KCNMA1: variants seen among roughly 807,000 people sequenced by gnomAD.
The protein encoded by KCNMA1 is potassium calcium-activated channel subfamily M alpha 1.
Under a neutral mutation model 140.0 loss-of-function variants are expected in KCNMA1, and 29 were observed. That is an observed-to-expected ratio of 0.21 (90% CI 0.15 to 0.28). The LOEUF is 0.28. Among genes scored for constraint, KCNMA1 ranks in the 10% least tolerant of loss-of-function variants. The pLI is 1.00. For missense variants in KCNMA1, 880 were observed against 1,602.2 expected, an observed-to-expected ratio of 0.55 and a Z score of 7.70; for synonymous variants, 612 against 611.9, an observed-to-expected ratio of 1.00 and a Z score of 0.00.
chr10:77,513,595 A>G (rs1387308442), intron 1 of KCNMA1, among the ~76,000 whole-genome samples: 1 of 152,264 alleles, frequency 6.6e-6, no homozygotes, highest in African/African-American at 2.4e-5. Flanking sequence ...CAAATAATTC[A>G]AAGAAAATAG....
chr10:77,576,533 T>G (rs1264586970), intron 1 of KCNMA1, among the ~76,000 whole-genome samples: 1 of 125,960 alleles, frequency 7.9e-6, no homozygotes, highest in Non-Finnish European at 1.9e-5. Flanking sequence ...TTAAGTCCCC[T>G]CCACTGGAGA....
intron 2 of KCNMA1, among the ~76,000 whole-genome samples, chr10:77,335,475 T>C (rs1603049688): frequency 6.6e-6 from 1 of 152,286 alleles, no homozygotes; most frequent in African/African-American, 2.4e-5. Flanking sequence ...TAGAGAAAAT[T>C]TTAAAAGTAA....
chr10:76,887,358 G>T lies in KCNMA1; in HGVS notation c.3619C>A (p.His1207Asn), dbSNP rs1476399505. The change falls in exon 28 of 28, where the codon CAC becomes AAC. Residue 1207 changes from histidine to asparagine, a missense_variant. Physicochemically the swap from His to Asn is moderately conservative, Grantham distance 68. Transcript: ENST00000286628. ...CGGTTTGCTGTGGATGGGATGGAGT[G>T]AACAGAGGAGCTCTTCTTGCTGGAG... ...QSSSKKSSSVHSIPSTANRQN... is the reference protein window; with the variant it reads ...QSSSKKSSSVNSIPSTANRQN... The T allele has an allele frequency of 1.2e-6, 2 of 1,614,100 alleles. No homozygotes were observed. The highest frequency in any genetic ancestry group is 1.7e-6 in the Non-Finnish European group (2 of 1,180,016).
chr10:76,910,209 A>G, intron 24 of KCNMA1, 113 bp from the exon 25 acceptor site: 1 of 1,191,216 alleles, frequency 8.4e-7, no homozygotes, highest in Non-Finnish European at 1.2e-6. Flanking sequence ...AAGGAAACAA[A>G]AGCATGGAAT....
downstream of KCNMA1, chr10:76,884,028 C>G (rs1458281430): frequency 5.2e-6 from 5 of 970,656 alleles, no homozygotes; most frequent in Non-Finnish European, 6.1e-6. Context: ...TCCAGGAAAA[C>G]CTCAAAATTC....
At chr10:77,636,168 T>G (rs2154571862) in intron 1 of KCNMA1, 3 of 1,406,188 alleles carry the variant, frequency 2.1e-6, no homozygotes, top group Non-Finnish European at 2.8e-6. Flanking sequence ...GGATGGGAAT[T>G]ACTCAGAAAG....
intron 1 of KCNMA1, among the ~76,000 whole-genome samples, chr10:77,461,829 C>G (rs1424131851): frequency 6.6e-6 from 1 of 152,142 alleles, no homozygotes; most frequent in Non-Finnish European, 1.5e-5. Flanking sequence ...CCGGGGACAC[C>G]CAGGACAGAC....
Position 77,611,055 on chromosome 10 carries a change from T to A in KCNMA1, c.378+26210A>T, listed in dbSNP as rs140594898. ...CCTTGTCTGTAAATGGGGGTGATAA[T>A]CATGCCAATTTCACAGGGATGCTAT... On this transcript the variant is annotated intron_variant, in intron 1 of 27. Transcript: ENST00000286628. Among the ~76,000 whole-genome samples, 1,089 of 152,320 alleles carry A rather than the reference T, an allele frequency of 7.1e-3. 16 individuals carry two copies. The highest frequency in any genetic ancestry group is 0.025 in the African/African-American group (1,047 of 41,554).
At chr10:77,076,027 C>T (rs1188849057) in intron 13 of KCNMA1, among the ~76,000 whole-genome samples, 7 of 152,170 alleles carry the variant, frequency 4.6e-5, no homozygotes, top group Non-Finnish European at 5.9e-5. Flanking sequence ...ACTGGAAATA[C>T]GCTGTCCTGG....
At chr10:77,037,977 T>C (rs1407549982) in intron 15 of KCNMA1, among the ~76,000 whole-genome samples, 2 of 152,118 alleles carry the variant, frequency 1.3e-5, no homozygotes, top group African/African-American at 4.8e-5. Flanking sequence ...GGAGTCACAA[T>C]AGGGCATCCA....
intron 1 of KCNMA1, among the ~76,000 whole-genome samples, chr10:77,482,496 A>T (rs1053399006): frequency 1.3e-5 from 2 of 152,206 alleles, no homozygotes; most frequent in Non-Finnish European, 2.9e-5. Flanking sequence ...CACGCAGCAG[A>T]AACAAAGCTT....
intron 5 of KCNMA1, among the ~76,000 whole-genome samples, chr10:77,157,386 T>G (rs547262009): frequency 2.6e-5 from 4 of 152,290 alleles, no homozygotes; most frequent in African/African-American, 9.6e-5. Context: ...TCTAACTTAT[T>G]TACTTATCTA....
chr10:76,955,419 C>T (rs2067872532), intron 20 of KCNMA1, among the ~76,000 whole-genome samples: 1 of 152,138 alleles, frequency 6.6e-6, no homozygotes, highest in South Asian at 2.1e-4. Context: ...GGTGAGAAAA[C>T]TTTCTCACTG....
chr10:77,400,086 C>A (rs541457035), intron 2 of KCNMA1, among the ~76,000 whole-genome samples: 37 of 152,318 alleles, frequency 2.4e-4, no homozygotes, highest in South Asian at 1.5e-3. Context: ...TTGCTTTGGT[C>A]CCATTGTTGC....
intron 1 of KCNMA1, among the ~76,000 whole-genome samples, chr10:77,510,755 G>A (rs951706623): frequency 2.6e-5 from 4 of 152,072 alleles, no homozygotes; most frequent in East Asian, 1.9e-4. Context: ...CTATGACAGC[G>A]CCACTGCACT....
At chr10:77,567,916 A>C (rs2154560254) in intron 1 of KCNMA1, among the ~76,000 whole-genome samples, 1 of 152,364 alleles carries the variant, frequency 6.6e-6, no homozygotes, top group Non-Finnish European at 1.5e-5. Flanking sequence ...ACATGGTGAA[A>C]CCCTGTCTCT....
chr10:77,331,981 T>C (rs1039899664), intron 2 of KCNMA1, among the ~76,000 whole-genome samples: 1 of 152,052 alleles, frequency 6.6e-6, no homozygotes, highest in Non-Finnish European at 1.5e-5. Context: ...ACCATGCACA[T>C]AGATGAGATC....
rs145424856 is a variant in KCNMA1 at position 76,890,808 on chromosome 10, G to A, written c.3342+717C>T. Among the ~76,000 whole-genome samples the A allele has an allele frequency of 5.6e-4, 86 of 152,334 alleles. 1 individual carries two copies. In the East Asian group the frequency reaches 0.015, roughly 26 times the overall value. ...GGCAGATACATGGAATCAGAAGGGA[G>A]ACGCTGGCCACTTCCGTCACAGGGA... is the stretch of plus-strand genomic sequence containing the variant. On this transcript the variant is annotated intron_variant, in intron 26 of 27. Coordinates refer to ENST00000286628, the MANE Select transcript of KCNMA1 (RefSeq NM_001161352.2).
intron 5 of KCNMA1, among the ~76,000 whole-genome samples, chr10:77,167,190 T>C (rs1200873377): frequency 6.6e-6 from 1 of 152,092 alleles, no homozygotes; most frequent in East Asian, 1.9e-4. Flanking sequence ...AGATCCCCTT[T>C]TTTTTAGCTC....
Sources: gnomAD v4.1 joint callset for allele counts (sites outside exome capture counted in the v4.1 genomes callset) on GRCh38, gnomAD v4.1.1 for gene constraint, MANE v1.5 for transcripts, NCBI Gene and HGNC (gene_info 2026-07-23, HGNC 2026-07-21) for gene names.